Variants in ZFAND3 observed in about 807,000 individuals in gnomAD.
ZFAND3 encodes zinc finger AN1-type containing 3, also known as AN1-type zinc finger protein 3.
A neutral mutation model predicts 29.6 loss-of-function variants in ZFAND3; 10 were observed. The observed-to-expected ratio is 0.34, with a 90% CI of 0.21 to 0.57. The LOEUF is 0.57. Among genes scored for constraint, ZFAND3 ranks in the 20% least tolerant of loss-of-function variants. The pLI, the probability that ZFAND3 is intolerant of heterozygous loss-of-function variation, is 0.86. For synonymous variants in ZFAND3, 128 were observed against 112.6 expected (o/e 1.14, Z -0.87); for missense variants, 230 against 304.5 (o/e 0.76, Z 1.82).
At chr6:37,923,234 A>G (rs1014536986) in intron 1 of ZFAND3, among the ~76,000 whole-genome samples, 7 of 152,206 alleles carry the variant, frequency 4.6e-5, no homozygotes, top group Non-Finnish European at 1.0e-4. Flanking sequence ...CTACAGGTGC[A>G]TGCCACCAGG....
At chr6:38,142,713 C>T (rs889957292) in intron 5 of ZFAND3, among the ~76,000 whole-genome samples, 1 of 151,902 alleles carries the variant, frequency 6.6e-6, no homozygotes, top group Non-Finnish European at 1.5e-5. Flanking sequence ...TGGAGGGGCC[C>T]GCCAGCAGTG....
intron 1 of ZFAND3, among the ~76,000 whole-genome samples, chr6:37,872,461 A>G (rs965518505): frequency 1.3e-5 from 2 of 152,144 alleles, no homozygotes; most frequent in Admixed American, 6.5e-5. Flanking sequence ...GTTGAAATAT[A>G]TCATACACAC....
At chr6:37,941,260 TAC>T (rs1456074347) in intron 2 of ZFAND3, among the ~76,000 whole-genome samples, 3 of 152,242 alleles carry the variant, frequency 2.0e-5, no homozygotes, top group African/African-American at 7.2e-5. Flanking sequence ...GATGGAATTG[TAC>T]TGTGAAAACC....
chr6:38,042,283 C>T (rs1763804954), intron 2 of ZFAND3, among the ~76,000 whole-genome samples: 1 of 149,746 alleles, frequency 6.7e-6, no homozygotes, highest in South Asian at 2.1e-4. Context: ...TAAAAGTATG[C>T]ATGTCACATA....
chr6:38,147,736 G>A (rs1766139483), intron 5 of ZFAND3, among the ~76,000 whole-genome samples: 1 of 152,102 alleles, frequency 6.6e-6, no homozygotes, highest in Non-Finnish European at 1.5e-5. Context: ...TAATGATGTT[G>A]AGTATTTTTT....
intron 2 of ZFAND3, among the ~76,000 whole-genome samples, chr6:38,006,754 T>C (rs1763057582): frequency 6.6e-6 from 1 of 151,368 alleles, no homozygotes; most frequent in South Asian, 2.1e-4. Context: ...ATGTCTAAGT[T>C]CCAAGGGCTT....
intron 2 of ZFAND3, among the ~76,000 whole-genome samples, chr6:38,052,647 G>A (rs1445296651): frequency 6.6e-6 from 1 of 152,094 alleles, no homozygotes; most frequent in Non-Finnish European, 1.5e-5. Context: ...ACTTCCCTTA[G>A]GAAGTAGTGC....
chr6:37,903,844 TC>T (rs1765362177), intron 1 of ZFAND3, among the ~76,000 whole-genome samples: 1 of 152,166 alleles, frequency 6.6e-6, no homozygotes, highest in South Asian at 2.1e-4. Context: ...TAAACAATAG[TC>T]CCTTTATGAG....
chr6:37,843,468 C>G lies in ZFAND3; in HGVS notation c.71+23452C>G, dbSNP rs1581702488. Among the ~76,000 whole-genome samples the G allele has an allele frequency of 2.0e-5, 3 of 150,266 alleles. No individual in the cohort carries two copies. The East Asian group carries it at 5.9e-4, about 29-fold the overall frequency. ...TGCCACTGCACTCCAGCCTGGGTGA[C>G]AGAGTGAGACTCCGTCTCAAAAAAA... On this transcript the variant is annotated intron_variant, in intron 1 of 5. Transcript: ENST00000287218.
In ZFAND3 at chr6:38,082,270, T is replaced by A. The variant is rs1764678231; in HGVS notation, c.296-122T>A. ...CACCACCACCGTCTTTCCTACTACT[T>A]CTCCTCGTTATATTTTCAGGTTGAT... On this transcript the variant is annotated intron_variant, in intron 3 of 5. Coordinates refer to ENST00000287218, the MANE Select transcript of ZFAND3 (RefSeq NM_021943.3). The A allele has an allele frequency of 1.3e-5, 11 of 851,734 alleles. No individual in the cohort carries two copies. The South Asian group carries it at 1.8e-4, about 14-fold the overall frequency. 52.8% of individuals were successfully genotyped at this position (851,734 alleles called of 1,614,324 possible).
chr6:38,117,338 GCCACCATATACC>G (rs1268916359), intron 5 of ZFAND3, among the ~76,000 whole-genome samples: 1 of 144,920 alleles, frequency 6.9e-6, no homozygotes, highest in Non-Finnish European at 1.5e-5. Context: ...ACAGGCATGA[GCCACCATATACC>G]CAGTCTGAAA....
chr6:38,089,136 A>T (rs1764815593), intron 4 of ZFAND3, among the ~76,000 whole-genome samples: 1 of 151,390 alleles, frequency 6.6e-6, no homozygotes, highest in Non-Finnish European at 1.5e-5. Context: ...TTTATTTGAG[A>T]TAGAATCTTG....
chr6:38,030,307 A>G (rs1371382695), intron 2 of ZFAND3, among the ~76,000 whole-genome samples: 2 of 151,734 alleles, frequency 1.3e-5, no homozygotes, highest in Admixed American at 6.6e-5. Context: ...GATTACAGGC[A>G]TGATCTACTG....
At chr6:38,023,114 T>C (rs1164910327) in intron 2 of ZFAND3, among the ~76,000 whole-genome samples, 1 of 152,216 alleles carries the variant, frequency 6.6e-6, no homozygotes, top group Non-Finnish European at 1.5e-5. Flanking sequence ...GGTAATACCT[T>C]TCAATACACT....
intron 4 of ZFAND3, among the ~76,000 whole-genome samples, chr6:38,090,061 C>CAG (rs1561995040): frequency 1.3e-5 from 2 of 152,104 alleles, no homozygotes; most frequent in African/African-American, 4.8e-5. Context: ...CCATGTTGGC[C>CAG]GAGCTGGTCT....
At chr6:37,867,924 A>G (rs572058148) in intron 1 of ZFAND3, among the ~76,000 whole-genome samples, 5 of 152,328 alleles carry the variant, frequency 3.3e-5, no homozygotes, top group South Asian at 2.1e-4. Flanking sequence ...GAGAGTTGCT[A>G]TTATACCAGG....
chr6:38,070,033 A>G (rs1347334448), intron 3 of ZFAND3, among the ~76,000 whole-genome samples: 1 of 152,212 alleles, frequency 6.6e-6, no homozygotes, highest in African/African-American at 2.4e-5. Context: ...ACCACCATCA[A>G]TCACCACCAC....
At chr6:37,922,970 ATTAGCT>A (rs1761411042) in intron 1 of ZFAND3, among the ~76,000 whole-genome samples, 2 of 152,260 alleles carry the variant, frequency 1.3e-5, no homozygotes, top group Non-Finnish European at 2.9e-5. Context: ...TTAATAATAA[ATTAGCT>A]TTAGCTTACT....
chr6:37,888,356 A>G (rs1464688261), intron 1 of ZFAND3, among the ~76,000 whole-genome samples: 2 of 152,202 alleles, frequency 1.3e-5, no homozygotes, highest in Admixed American at 1.3e-4. Context: ...AAGTAGTTTA[A>G]TGAAGTCAGA....
Sources: allele counts gnomAD v4.1 joint callset (sites outside exome capture counted in the v4.1 genomes callset), GRCh38; gene constraint gnomAD v4.1.1; transcripts MANE v1.5; gene names NCBI Gene and HGNC (gene_info 2026-07-23, HGNC 2026-07-21).